ZFYVE28: variants seen among roughly 807,000 people sequenced by gnomAD.
ZFYVE28 encodes the protein lateral signaling target protein 2 homolog.
In ZFYVE28, 40 loss-of-function variants were observed where a neutral mutation model predicts 82.1. That is an observed-to-expected ratio of 0.49 (90% CI 0.38 to 0.63). ZFYVE28 has a LOEUF of 0.63. Among genes scored for constraint, ZFYVE28 ranks in the 30% least tolerant of loss-of-function variants. The pLI, the probability that ZFYVE28 is intolerant of heterozygous loss-of-function variation, is 0.00. For synonymous variants in ZFYVE28, 612 were observed against 546.1 expected, an observed-to-expected ratio of 1.12 and a Z score of -1.68; for missense variants, 1,321 against 1,242.1, an observed-to-expected ratio of 1.06 and a Z score of -0.96.
intron 6 of ZFYVE28, among the ~76,000 whole-genome samples, chr4:2,331,273 G>T (rs1200801435): frequency 6.6e-6 from 1 of 151,980 alleles, no homozygotes; most frequent in Non-Finnish European, 1.5e-5. Flanking sequence ...GGGCAGGCAG[G>T]TCTGTGCTGA....
intron 1 of ZFYVE28, among the ~76,000 whole-genome samples, chr4:2,395,827 G>C (rs1047817344): frequency 2.6e-5 from 4 of 151,682 alleles, no homozygotes; most frequent in Non-Finnish European, 5.9e-5. Flanking sequence ...AGGAGGCGGC[G>C]GGACTCCAGA....
At chr4:2,399,183 GA>G (rs1452547871) in intron 1 of ZFYVE28, among the ~76,000 whole-genome samples, 3 of 130,444 alleles carry the variant, frequency 2.3e-5, no homozygotes, top group Non-Finnish European at 5.2e-5. Context: ...CACAAGGGTG[GA>G]GGTGAGATCC....
intron 6 of ZFYVE28, among the ~76,000 whole-genome samples, chr4:2,331,804 G>C (rs1156592964): frequency 1.3e-5 from 2 of 152,196 alleles, no homozygotes; most frequent in African/African-American, 4.8e-5. Context: ...AGGGGGAAGG[G>C]TGCCACCCAG....
Position 2,305,448 on chromosome 4 carries a change from C to T in ZFYVE28, c.892G>A (p.Ala298Thr), listed in dbSNP as rs770346073. ...ISQDVEFPIRADVQGPAALAP... is the reference protein window; with the variant it reads ...ISQDVEFPIRTDVQGPAALAP... ...AGGGCAGCGGGTCCCTGCACGTCTG[C>T]GCGGATGGGGAACTCCACGTCTTGG... The change falls in exon 8 of 13, where the codon GCA (alanine) becomes ACA (threonine). Residue 298 changes from alanine to threonine, a missense_variant. This residue lies in a region of ZFYVE28 where 978 missense variants were observed against 833.7 expected (regional missense o/e 1.17). Coordinates refer to ENST00000290974, the MANE Select transcript of ZFYVE28 (RefSeq NM_020972.3). 12 of 1,612,802 alleles carry T rather than the reference C, an allele frequency of 7.4e-6. No homozygotes were observed. The highest frequency in any genetic ancestry group is 3.3e-5 in the South Asian group (3 of 91,086).
intron 1 of ZFYVE28, among the ~76,000 whole-genome samples, chr4:2,399,700 C>A (rs1052157157): frequency 2.0e-4 from 31 of 152,254 alleles, no homozygotes; most frequent in Admixed American, 5.2e-4. Context: ...CTGCCTCCCA[C>A]CCAGCAAGTG....
At chr4:2,359,968 C>T (rs1422420717) in intron 1 of ZFYVE28, among the ~76,000 whole-genome samples, 1 of 152,216 alleles carries the variant, frequency 6.6e-6, no homozygotes, top group African/African-American at 2.4e-5. Flanking sequence ...AGGACAGCCC[C>T]CTCGGGCCCT....
rs375674104 is a variant in ZFYVE28 at position 2,304,380 on chromosome 4, C to T, written c.1960G>A (p.Gly654Arg). ...TCTGGCTCCTGCTGACCTGCAACCC[C>T]AGCCTCTCCTTGCAGCCCACTCGCT... ...DTASGLQGEA[G>R]VAGQQEPEAR... Residue 654 changes from glycine to arginine, a missense_variant, in exon 8 of 13, where the codon GGG (glycine) becomes AGG (arginine). By Grantham distance (125) the Gly-to-Arg change is moderately radical. This residue lies in a region of ZFYVE28 where 978 missense variants were observed against 833.7 expected (regional missense o/e 1.17). Transcript: ENST00000290974. 7 of 1,612,178 alleles carry T rather than the reference C, an allele frequency of 4.3e-6. No homozygotes were observed. Among genetic ancestry groups the T allele is most frequent in the African/African-American group, 1.3e-5 (1 of 74,950 alleles).
chr4:2,271,823 G>A, intron 10 of ZFYVE28, 44 bp from the exon 11 acceptor site: 1 of 1,567,684 alleles, frequency 6.4e-7, no homozygotes, highest in Non-Finnish European at 8.8e-7. Flanking sequence ...AGGGAGGCGG[G>A]CAATTGATGC....
At chr4:2,368,638 T>C (rs965298487) in intron 1 of ZFYVE28, among the ~76,000 whole-genome samples, 3 of 152,234 alleles carry the variant, frequency 2.0e-5, no homozygotes, top group Admixed American at 6.5e-5. Flanking sequence ...TTTTCAAGGT[T>C]CATCCACATT....
At chr4:2,401,225 C>T (rs1391163779) in intron 1 of ZFYVE28, among the ~76,000 whole-genome samples, 2 of 152,222 alleles carry the variant, frequency 1.3e-5, no homozygotes, top group African/African-American at 4.8e-5. Context: ...CTGCAGGGCC[C>T]TGCCACCTTG....
chr4:2,339,689 G>T lies in ZFYVE28; in HGVS notation c.319-34C>A, dbSNP rs748518292. 6.4e-7 allele frequency: 1 copy of T among 1,554,694 alleles called. No individual in the cohort carries two copies. The highest frequency in any genetic ancestry group is 1.9e-5 in the Admixed American group (1 of 52,848). On this transcript the variant is annotated intron_variant, in intron 3 of 12. Coordinates refer to ENST00000290974, the MANE Select transcript of ZFYVE28 (RefSeq NM_020972.3). This position sits in a 1 kb window ranked among gnomAD's most constrained non-coding sequence, Gnocchi z 5.0. ...GGGGACACACTCAGGGAGGGGCCCG[G>T]GTGAGGGCCAGGCTCTCAGGGGTCG...
chr4:2,332,063 A>T lies in ZFYVE28; in HGVS notation c.701+3642T>A, dbSNP rs1720796926. ...CCTGGCCCGCAGCTCATGCTTGGTAAATGTGGCATCACTGTTCTGACACTG... is the reference window on the plus strand; with the variant it reads ...CCTGGCCCGCAGCTCATGCTTGGTATATGTGGCATCACTGTTCTGACACTG... On this transcript the variant is annotated intron_variant, in intron 6 of 12. Coordinates refer to ENST00000290974, the MANE Select transcript of ZFYVE28 (RefSeq NM_020972.3). This position sits in a 1 kb window ranked among gnomAD's most constrained non-coding sequence, Gnocchi z 4.7. Among the ~76,000 whole-genome samples, 1 of 152,128 alleles carries T rather than the reference A, an allele frequency of 6.6e-6. No individual in the cohort carries two copies. The highest frequency in any genetic ancestry group is 6.5e-5 in the Admixed American group (1 of 15,282).
intron 8 of ZFYVE28, among the ~76,000 whole-genome samples, chr4:2,302,777 C>T (rs1350809388): frequency 1.3e-5 from 2 of 152,242 alleles, no homozygotes; most frequent in African/African-American, 4.8e-5. Context: ...GTGATTCAGT[C>T]ATAAAAAGGA....
Position 2,332,911 on chromosome 4 carries a change from C to T in ZFYVE28, c.701+2794G>A, listed in dbSNP as rs1223341778. Among the ~76,000 whole-genome samples, 1 of 152,240 alleles carries T rather than the reference C, an allele frequency of 6.6e-6. No individual in the cohort carries two copies. The highest frequency in any genetic ancestry group is 1.9e-4 in the East Asian group (1 of 5,172). ...CACAGCCTGGCTCTGTGGCTAGATG[C>T]CTGCCTCTGTGGGGGCTCACAGCTG... is the stretch of plus-strand genomic sequence containing the variant. On this transcript the variant is annotated intron_variant, in intron 6 of 12. Coordinates refer to ENST00000290974, the MANE Select transcript of ZFYVE28 (RefSeq NM_020972.3). This position sits in a 1 kb window ranked among gnomAD's most constrained non-coding sequence, Gnocchi z 4.7.
At chr4:2,350,842 G>A (rs1724320829) in intron 2 of ZFYVE28, among the ~76,000 whole-genome samples, 1 of 152,230 alleles carries the variant, frequency 6.6e-6, no homozygotes, top group African/African-American at 2.4e-5. Context: ...CGCCTGCCAG[G>A]AGAAGGGCAC....
chr4:2,346,076 C>T (rs1723498904), intron 2 of ZFYVE28, among the ~76,000 whole-genome samples: 1 of 151,552 alleles, frequency 6.6e-6, no homozygotes, highest in Admixed American at 6.6e-5. Flanking sequence ...CGCCTGTAAT[C>T]CCAGCACTTT....
chr4:2,291,142 C>G (rs1003128614), intron 8 of ZFYVE28, among the ~76,000 whole-genome samples: 1 of 152,216 alleles, frequency 6.6e-6, no homozygotes, highest in Non-Finnish European at 1.5e-5. Context: ...TGAACAGAAG[C>G]CACCACAACT....
At chr4:2,369,253 A>C (rs1001561079) in intron 1 of ZFYVE28, among the ~76,000 whole-genome samples, 1 of 152,202 alleles carries the variant, frequency 6.6e-6, no homozygotes, top group Non-Finnish European at 1.5e-5. Context: ...ACATCAGAGC[A>C]ATCTAGGCCA....
At chr4:2,403,423 A>T (rs1393186205) in intron 1 of ZFYVE28, among the ~76,000 whole-genome samples, 1 of 152,268 alleles carries the variant, frequency 6.6e-6, no homozygotes, top group Non-Finnish European at 1.5e-5. Context: ...TTCTCGGAGC[A>T]CGGCCCTGGC....
Sources: gnomAD v4.1 joint callset for allele counts (sites outside exome capture counted in the v4.1 genomes callset) on GRCh38, gnomAD v4.1.1 for gene constraint, gnomAD v4.1.1 regional missense constraint, Gnocchi (gnomAD v3.1) non-coding constraint, MANE v1.5 for transcripts, NCBI Gene and HGNC (gene_info 2026-07-23, HGNC 2026-07-21) for gene names.